NCKAP5: variants seen among roughly 807,000 people sequenced by gnomAD.
NCKAP5 encodes nck-associated protein 5.
Under a neutral mutation model 167.0 loss-of-function variants are expected in NCKAP5, and 92 were observed. The ratio of observed to expected loss-of-function variants is 0.55; its 90% CI spans 0.47 to 0.66. The LOEUF (loss-of-function observed/expected upper bound fraction) is 0.66, where lower values mean the gene tolerates loss of function less well. Ranked by LOEUF, NCKAP5 falls within the 30% of genes least tolerant of loss-of-function variation. The probability of loss-of-function intolerance (pLI) is 0.00; values close to 1 mark genes in which losing one functional copy is unlikely to be tolerated. For synonymous variants in NCKAP5, 891 were observed against 877.4 expected, an observed-to-expected ratio of 1.02 and a Z score of -0.27; for missense variants, 2,378 against 2,315.0, an observed-to-expected ratio of 1.03 and a Z score of -0.56.
At chr2:133,263,260 G>A (rs566469856) in intron 4 of NCKAP5, among the ~76,000 whole-genome samples, 58 of 150,332 alleles carry the variant, frequency 3.9e-4, no homozygotes, top group African/African-American at 1.3e-3. Context: ...AGAGTCACAG[G>A]CTTGAGTAAA....
At position 133,220,436 on chromosome 2, in the gene NCKAP5, C is replaced by G. The variant is rs776065205; in HGVS notation, c.144-6657G>C. On this transcript the variant is annotated intron_variant, in intron 4 of 19. Coordinates refer to ENST00000409261, the MANE Select transcript of NCKAP5 (RefSeq NM_207363.3). Reference sequence around the variant, plus strand: ...CCAGGAAGAATGAAACAGAGCTACTCTTCTTACTCAATTTTATATCCAAAT... The same window carrying G: ...CCAGGAAGAATGAAACAGAGCTACTGTTCTTACTCAATTTTATATCCAAAT... Among the ~76,000 whole-genome samples the G allele has an allele frequency of 2.0e-5, 3 of 152,206 alleles. No homozygotes were observed. The East Asian group carries it at 5.8e-4, about 29-fold the overall frequency.
At chr2:133,357,047 T>C (rs182007487) in intron 3 of NCKAP5, among the ~76,000 whole-genome samples, 6 of 152,314 alleles carry the variant, frequency 3.9e-5, no homozygotes, top group Admixed American at 2.6e-4. Flanking sequence ...GACTGAAGTA[T>C]GTCATCTCTG....
At chr2:133,645,919 G>T in the NCKAP5 span, among the ~76,000 whole-genome samples, 2 of 151,706 alleles carry the variant, frequency 1.3e-5, no homozygotes, top group South Asian at 4.2e-4. Flanking sequence ...GGTTCTTAAG[G>T]CATCAAATGG....
the NCKAP5 span, among the ~76,000 whole-genome samples, chr2:133,584,994 G>GA: frequency 2.1e-3 from 308 of 148,888 alleles, 11 homozygotes; most frequent in East Asian, 0.029. Flanking sequence ...AGGAAGGAAG[G>GA]AGGGAAAGAA....
intron 5 of NCKAP5, among the ~76,000 whole-genome samples, chr2:133,202,315 G>C (rs1318336342): frequency 1.3e-5 from 2 of 152,148 alleles, no homozygotes; most frequent in African/African-American, 4.8e-5. Context: ...AAATGGTGCT[G>C]GGAAAACTGG....
intron 8 of NCKAP5, among the ~76,000 whole-genome samples, chr2:132,879,611 G>C (rs1430506155): frequency 6.6e-6 from 1 of 152,180 alleles, no homozygotes; most frequent in Admixed American, 6.5e-5. Context: ...ATATGAAGCT[G>C]CCCTCCACCT....
intron 3 of NCKAP5, 43 bp from the exon 4 acceptor site, chr2:133,303,153 T>C: frequency 7.4e-7 from 1 of 1,348,768 alleles, no homozygotes; most frequent in South Asian, 1.3e-5. Flanking sequence ...ACTATGACAG[T>C]CCCCACCATC....
intron 11 of NCKAP5, among the ~76,000 whole-genome samples, chr2:132,847,436 C>A (rs914708822): frequency 6.6e-6 from 1 of 152,154 alleles, no homozygotes; most frequent in Non-Finnish European, 1.5e-5. Flanking sequence ...TAATGATCAG[C>A]AAAGACTGAA....
chr2:133,497,589 A>G (rs1171942873), intron 3 of NCKAP5, among the ~76,000 whole-genome samples: 2 of 152,170 alleles, frequency 1.3e-5, no homozygotes, highest in Non-Finnish European at 2.9e-5. Flanking sequence ...CATTCCTTCT[A>G]TGGCTTCTCA....
chr2:133,281,012 A>C (rs1406326214), intron 4 of NCKAP5, among the ~76,000 whole-genome samples: 1 of 152,234 alleles, frequency 6.6e-6, no homozygotes, highest in Non-Finnish European at 1.5e-5. Flanking sequence ...AGTTATACTG[A>C]CACAACTAGA....
intron 11 of NCKAP5, among the ~76,000 whole-genome samples, chr2:132,824,759 C>T (rs905702075): frequency 6.6e-6 from 1 of 152,092 alleles, no homozygotes; most frequent in Admixed American, 6.6e-5. Context: ...GATGTGAAAC[C>T]CCCTCAGAGC....
intron 6 of NCKAP5, among the ~76,000 whole-genome samples, chr2:132,997,637 C>T (rs772900318): frequency 3.3e-5 from 5 of 151,972 alleles, no homozygotes; most frequent in African/African-American, 4.8e-5. Context: ...ATACAGCAGC[C>T]TCTTTCTACT....
chr2:132,833,949 A>G (rs1470480680), intron 11 of NCKAP5, among the ~76,000 whole-genome samples: 1 of 152,134 alleles, frequency 6.6e-6, no homozygotes, highest in Non-Finnish European at 1.5e-5. Flanking sequence ...TTAGGGTAGT[A>G]TGGTTATTTT....
intron 3 of NCKAP5, among the ~76,000 whole-genome samples, chr2:133,338,812 A>G (rs544605433): frequency 6.6e-6 from 1 of 152,280 alleles, no homozygotes; most frequent in African/African-American, 2.4e-5. Flanking sequence ...GTTTGAGACC[A>G]GCCTGGGCAA....
intron 3 of NCKAP5, among the ~76,000 whole-genome samples, chr2:133,315,784 C>T (rs1177595108): frequency 6.6e-6 from 1 of 152,116 alleles, no homozygotes; most frequent in Non-Finnish European, 1.5e-5. Flanking sequence ...CCATTAGCGG[C>T]CCGACAAAAA....
intron 11 of NCKAP5, among the ~76,000 whole-genome samples, chr2:132,859,168 A>C (rs1350896977): frequency 1.3e-5 from 2 of 152,226 alleles, no homozygotes; most frequent in East Asian, 3.8e-4. Flanking sequence ...ATGTTCAAAC[A>C]TATAAGGCAG....
chr2:133,203,412 A>G (rs13389988), intron 5 of NCKAP5, among the ~76,000 whole-genome samples: 77,545 of 151,722 alleles, frequency 0.51, 20,108 homozygotes, highest in African/African-American at 0.54. Flanking sequence ...AGCGGGGAGG[A>G]ATAGCATTAG....
the NCKAP5 span, among the ~76,000 whole-genome samples, chr2:133,655,341 G>A: frequency 1.3e-5 from 2 of 152,138 alleles, no homozygotes; most frequent in Non-Finnish European, 2.9e-5. Flanking sequence ...TTTGTTTCTG[G>A]TTTAGTTTCT....
At chr2:133,086,871 G>A (rs1220377145) in intron 6 of NCKAP5, among the ~76,000 whole-genome samples, 1 of 152,154 alleles carries the variant, frequency 6.6e-6, no homozygotes, top group African/African-American at 2.4e-5. Context: ...GATGATTTTA[G>A]ACACGAACAT....
Sources: gnomAD v4.1 joint callset for allele counts (sites outside exome capture counted in the v4.1 genomes callset) on GRCh38, gnomAD v4.1.1 for gene constraint, MANE v1.5 for transcripts, NCBI Gene and HGNC (gene_info 2026-07-23, HGNC 2026-07-21) for gene names.